Variants in CHD1L observed in about 807,000 individuals in gnomAD.
CHD1L encodes the protein ATP-dependent chromatin remodeler CHD1L.
CHD1L carries 118 observed loss-of-function variants against 115.9 expected under a neutral mutation model. The ratio of observed to expected loss-of-function variants is 1.02; its 90% CI spans 0.88 to 1.19. CHD1L has a LOEUF of 1.19. Ranked by LOEUF, CHD1L falls within the 50% of genes most tolerant of loss-of-function variation. CHD1L has a pLI of 0.00. For missense variants in CHD1L, 1,179 were observed against 1,065.3 expected, an observed-to-expected ratio of 1.11 and a Z score of -1.49; for synonymous variants, 411 against 387.1, an observed-to-expected ratio of 1.06 and a Z score of -0.72.
chr1:147,203,245 CT>C, the CHD1L span: 1 of 1,215,804 alleles, frequency 8.2e-7, no homozygotes, highest in Non-Finnish European at 1.2e-6. Context: ...CAAATACAGC[CT>C]TCACCTACAG....
In CHD1L at chr1:147,252,745, TATGC is replaced by T; in HGVS notation, c.240+11_240+14del. On this transcript the variant is annotated intron_variant, in intron 2 of 22. Transcript: ENST00000369258. ...GGGGAAGACCTGCCAGGTGTGTTAC[TATGC>T]GACGAGTACTGCTCACCGCCACTGC... 6.3e-7 allele frequency: 1 copy of T among 1,597,222 alleles called. No individual in the cohort carries two copies. The highest frequency in any genetic ancestry group is 8.6e-7 in the Non-Finnish European group (1 of 1,164,986).
At chr1:147,224,996 C>T in the CHD1L span, 1 of 1,614,058 alleles carries the variant, frequency 6.2e-7, no homozygotes, top group South Asian at 1.1e-5. Flanking sequence ...CCGCTCACTC[C>T]TCCCCCAATC....
the CHD1L span, among the ~76,000 whole-genome samples, chr1:147,196,682 T>G: frequency 6.6e-6 from 1 of 152,128 alleles, no homozygotes; most frequent in African/African-American, 2.4e-5. Context: ...TAAATTTTGT[T>G]TTTGCAGTGT....
Position 147,276,152 on chromosome 1 carries a change from A to C in CHD1L, c.1434A>C (p.Ile478=). The change falls in exon 14 of 23, where the codon ATA becomes ATC. Residue 478 remains isoleucine, a synonymous_variant. Transcript: ENST00000369258. ...RLIGRDTVEE[I]VYRKAASKLQ... ...TTGGTCGAGACACTGTGGAAGAAATAGTCTATAGGAAAGCAGCCTCCAAAC... is the reference window on the plus strand; with the variant it reads ...TTGGTCGAGACACTGTGGAAGAAATCGTCTATAGGAAAGCAGCCTCCAAAC... The C allele has an allele frequency of 6.2e-7, 1 of 1,614,176 alleles. No individual in the cohort carries two copies. The highest frequency in any genetic ancestry group is 8.5e-7 in the Non-Finnish European group (1 of 1,180,020).
At chr1:147,278,213 G>GT (rs1679287407) in intron 14 of CHD1L, among the ~76,000 whole-genome samples, 2 of 92,590 alleles carry the variant, frequency 2.2e-5, no homozygotes, top group East Asian at 3.0e-4. Flanking sequence ...GTTTGTTTTT[G>GT]TTTTTTGGGT....
In CHD1L at chr1:147,259,851, T is replaced by C; in HGVS notation, c.509T>C (p.Val170Ala). ...TTCTCTCACAGATTCCCTTGGAGTG[T>C]TCTTGTTGTGGATGAAGCTCACAGG... Reference protein sequence around the residue: ...ASFLKSFPWSVLVVDEAHRLK... With the variant: ...ASFLKSFPWSALVVDEAHRLK... The change falls in exon 6 of 23, where the codon GTT becomes GCT. Residue 170 changes from valine (V) to alanine (A), a missense_variant. Val to Ala is a moderately conservative substitution (Grantham distance 64, BLOSUM62 0). Coordinates refer to ENST00000369258, the MANE Select transcript of CHD1L (RefSeq NM_004284.6). The C allele has an allele frequency of 6.2e-7, 1 of 1,613,810 alleles. No individual in the cohort carries two copies. The highest frequency in any genetic ancestry group is 8.5e-7 in the Non-Finnish European group (1 of 1,179,750).
At chr1:147,217,766 A>C in the CHD1L span, among the ~76,000 whole-genome samples, 40 of 152,166 alleles carry the variant, frequency 2.6e-4, no homozygotes, top group Non-Finnish European at 5.0e-4. Context: ...CTCTGCCCTA[A>C]TTAAAATTTT....
chr1:147,179,472 T>G, the CHD1L span: 4 of 1,577,882 alleles, frequency 2.5e-6, no homozygotes, highest in Non-Finnish European at 3.5e-6. Flanking sequence ...TCCTACCATA[T>G]ACTTCTCTCC....
chr1:147,231,764 G>A, the CHD1L span, among the ~76,000 whole-genome samples: 11 of 152,174 alleles, frequency 7.2e-5, no homozygotes, highest in East Asian at 3.9e-4. Flanking sequence ...TGTGCCGTTC[G>A]CTAAGACCAT....
the CHD1L span, among the ~76,000 whole-genome samples, chr1:147,200,466 G>A: frequency 6.6e-6 from 1 of 152,114 alleles, no homozygotes; most frequent in Non-Finnish European, 1.5e-5. Flanking sequence ...ATCATTAGGT[G>A]TGGTCTGGCC....
intron 12 of CHD1L, among the ~76,000 whole-genome samples, chr1:147,274,634 T>G (rs1553956025): frequency 1.3e-5 from 2 of 151,816 alleles, no homozygotes; most frequent in African/African-American, 4.8e-5. Context: ...AATTAATTCC[T>G]GTAACTCAAG....
At chr1:147,237,732 T>C (rs370275966), upstream of CHD1L, among the ~76,000 whole-genome samples, 31 of 152,320 alleles carry the variant, frequency 2.0e-4, no homozygotes, top group African/African-American at 7.5e-4. Context: ...CTTCAGGGAC[T>C]AGCTGGGCAG....
chr1:147,185,143 G>C, the CHD1L span, among the ~76,000 whole-genome samples: 1 of 149,680 alleles, frequency 6.7e-6, no homozygotes, highest in Non-Finnish European at 1.5e-5. Context: ...ACATCTTTTA[G>C]CTTGGTTGAG....
intron 12 of CHD1L, among the ~76,000 whole-genome samples, chr1:147,273,191 C>G (rs910125629): frequency 6.6e-6 from 1 of 152,138 alleles, no homozygotes; most frequent in Non-Finnish European, 1.5e-5. Context: ...AAATTTTTCT[C>G]AGGTCCTGGA....
the CHD1L span, among the ~76,000 whole-genome samples, chr1:147,232,013 C>T: frequency 2.0e-5 from 3 of 152,200 alleles, no homozygotes; most frequent in Admixed American, 6.5e-5. Flanking sequence ...CACCTGTCTT[C>T]TGCTTCGCTC....
upstream of CHD1L, among the ~76,000 whole-genome samples, chr1:147,238,969 G>A (rs1341210364): frequency 3.3e-5 from 5 of 152,080 alleles, no homozygotes; most frequent in Admixed American, 1.3e-4. Context: ...TGTGCAAGCT[G>A]ACTCCCAGAA....
the CHD1L span, among the ~76,000 whole-genome samples, chr1:147,205,501 ACT>A: frequency 9.9e-5 from 15 of 152,236 alleles, no homozygotes; most frequent in Non-Finnish European, 2.1e-4. Context: ...AAATTTAGAG[ACT>A]CTCTACAAAA....
At chr1:147,206,142 T>C in the CHD1L span, among the ~76,000 whole-genome samples, 8 of 150,618 alleles carry the variant, frequency 5.3e-5, no homozygotes, top group Non-Finnish European at 8.9e-5. Flanking sequence ...AAGACATTTA[T>C]GCAGCCAACA....
In CHD1L at chr1:147,256,546, G is replaced by A. The variant is rs1375587977; in HGVS notation, c.478G>A (p.Ala160Thr). Residue 160 changes from alanine (A) to threonine (T), a missense_variant, in exon 5 of 23, where the codon GCA becomes ACA. Ala to Thr is a moderately conservative substitution (Grantham distance 58, BLOSUM62 0). Transcript: ENST00000369258. ...AATTTTTCAGATTTGCTTGAAAGAT[G>A]CATCATTTCTAAAATCGTGAGTAGG... ...LTTYEICLKDASFLKSFPWSV... is the reference protein window; with the variant it reads ...LTTYEICLKDTSFLKSFPWSV... 3 of 1,613,390 alleles carry A rather than the reference G, an allele frequency of 1.9e-6. No homozygotes were observed. The Admixed American group carries it at 5.0e-5, about 27-fold the overall frequency.
Sources: allele counts gnomAD v4.1 joint callset (sites outside exome capture counted in the v4.1 genomes callset), GRCh38; gene constraint gnomAD v4.1.1; transcripts MANE v1.5; gene names NCBI Gene and HGNC (gene_info 2026-07-23, HGNC 2026-07-21).